PRND: variants seen among roughly 807,000 people sequenced by gnomAD.
PRND encodes prion-like protein doppel.
For missense variants in PRND, 227 were observed against 223.3 expected, an observed-to-expected ratio of 1.02 and a Z score of -0.11; for synonymous variants, 94 against 93.2, an observed-to-expected ratio of 1.01 and a Z score of -0.05.
At chr20:4,722,817 G>A (rs1235228482) in intron 1 of PRND, among the ~76,000 whole-genome samples, 1 of 152,164 alleles carries the variant, frequency 6.6e-6, no homozygotes, top group Non-Finnish European at 1.5e-5. Context: ...AATCCACACA[G>A]GCAAAGACCC....
chr20:4,723,938 ATGTGTG>A (rs78289429), intron 1 of PRND, among the ~76,000 whole-genome samples: 3,709 of 146,154 alleles, frequency 0.025, 60 homozygotes, highest in African/African-American at 0.031. Flanking sequence ...TCTCTAAAAT[ATGTGTG>A]TGTGTGTGTG....
In PRND at chr20:4,726,003, G is replaced by A. The variant is rs919395734; in HGVS notation, c.*921G>A. ...AGCCTTCCGAGTAGCTGGGATTACA[G>A]GTGTGTGCCATCATGCCTGACTAAT... is the stretch of plus-strand genomic sequence containing the variant. On this transcript the variant is annotated 3_prime_UTR_variant, in exon 2 of 2. Coordinates refer to ENST00000305817, the MANE Select transcript of PRND (RefSeq NM_012409.4). The A allele has an allele frequency of 9.0e-5, 6 of 66,780 alleles. No homozygotes were observed. The highest frequency in any genetic ancestry group is 6.0e-4 in the East Asian group (1 of 1,664). The allele number at this position is 66,780 out of a possible 1,614,324, so 4.1% of individuals were successfully genotyped here.
rs1430225313 is a variant in PRND, at chr20:4,726,719, TCAGA to T, written c.*1640_*1643del. On this transcript the variant is annotated 3_prime_UTR_variant, in exon 2 of 2. Transcript: ENST00000305817. Reference sequence around the variant, plus strand: ...TTGTAAGGGGGGAACATGCATTTTATCAGACAATTTATCCAAAGCATTGCAGAAC... The same window carrying T: ...TTGTAAGGGGGGAACATGCATTTTATCAATTTATCCAAAGCATTGCAGAAC... 4.8e-5 allele frequency: 8 copies of T among 167,210 alleles called. No homozygotes were observed. 10.4% of individuals were successfully genotyped at this position (167,210 alleles called of 1,614,324 possible).
rs1393737277 is a variant in PRND at position 4,727,119 on chromosome 20, CT to C, written c.*2039del. On this transcript the variant is annotated 3_prime_UTR_variant, in exon 2 of 2. Coordinates refer to ENST00000305817, the MANE Select transcript of PRND (RefSeq NM_012409.4). ...CTCAGAGGCTGACACTGACATTTCACTTCCTCGCTCTCCTAAGTTTAATTAC... is the reference window on the plus strand; with the variant it reads ...CTCAGAGGCTGACACTGACATTTCACTCCTCGCTCTCCTAAGTTTAATTAC... 1 of 167,136 alleles carries C rather than the reference CT, an allele frequency of 6.0e-6. No individual in the cohort carries two copies. Among genetic ancestry groups the C allele is most frequent in the African/African-American group, 2.4e-5 (1 of 41,464 alleles). The allele number at this position is 167,136 out of a possible 1,614,324, so 10.4% of individuals were successfully genotyped here.
In PRND at chr20:4,725,360, C is replaced by T. The variant is rs768792564; in HGVS notation, c.*278C>T. 17 of 424,434 alleles carry T rather than the reference C, an allele frequency of 4.0e-5. No individual in the cohort carries two copies. Among genetic ancestry groups the T allele is most frequent in the Non-Finnish European group, 7.1e-5 (16 of 223,996 alleles). 26.3% of individuals were successfully genotyped at this position (424,434 alleles called of 1,614,324 possible). ...CTTGATGAGAAGAACACATCAGGCA[C>T]TGCGCCACCTGCTTCACAGTACTTC... On this transcript the variant is annotated 3_prime_UTR_variant, in exon 2 of 2. Coordinates refer to ENST00000305817, the MANE Select transcript of PRND (RefSeq NM_012409.4).
chr20:4,722,528 T>C (rs1923133043), intron 1 of PRND, among the ~76,000 whole-genome samples: 1 of 151,818 alleles, frequency 6.6e-6, no homozygotes, highest in Non-Finnish European at 1.5e-5. Flanking sequence ...CTTTGCAGGC[T>C]TCTAGAGATG....
In PRND at chr20:4,727,125, C is replaced by T. The variant is rs1191530365; in HGVS notation, c.*2043C>T. 5 of 167,094 alleles carry T rather than the reference C, an allele frequency of 3.0e-5. No individual in the cohort carries two copies. Among genetic ancestry groups the T allele is most frequent in the East Asian group, 1.9e-4 (1 of 5,208 alleles). The allele number at this position is 167,094 out of a possible 1,614,324, so 10.4% of individuals were successfully genotyped here. On this transcript the variant is annotated 3_prime_UTR_variant, in exon 2 of 2. Transcript: ENST00000305817. Reference sequence around the variant, plus strand: ...GGCTGACACTGACATTTCACTTCCTCGCTCTCCTAAGTTTAATTACAACAG... The same window carrying T: ...GGCTGACACTGACATTTCACTTCCTTGCTCTCCTAAGTTTAATTACAACAG...
At chr20:4,722,446 T>C (rs1018774534) in intron 1 of PRND, among the ~76,000 whole-genome samples, 1 of 151,208 alleles carries the variant, frequency 6.6e-6, no homozygotes, top group Non-Finnish European at 1.5e-5. Flanking sequence ...GGTGAGGGGG[T>C]CCAGATGCTC....
At chr20:4,723,048 C>T (rs953956604) in intron 1 of PRND, among the ~76,000 whole-genome samples, 12 of 152,270 alleles carry the variant, frequency 7.9e-5, no homozygotes, top group African/African-American at 1.9e-4. Flanking sequence ...TCGTTTTCTC[C>T]GAAATTCCTC....
At chr20:4,722,275 T>G (rs1461320187) in intron 1 of PRND, among the ~76,000 whole-genome samples, 1 of 152,092 alleles carries the variant, frequency 6.6e-6, no homozygotes, top group Non-Finnish European at 1.5e-5. Flanking sequence ...TCACCTGAAA[T>G]GATCTATTAT....
At position 4,728,244 on chromosome 20, in the gene PRND, T is replaced by C. The variant is rs1278885072; in HGVS notation, c.*3162T>C. The C allele has an allele frequency of 6.0e-6, 1 of 167,054 alleles. No individual in the cohort carries two copies. The highest frequency in any genetic ancestry group is 1.5e-5 in the Non-Finnish European group (1 of 68,132). The allele number at this position is 167,054 out of a possible 1,614,324, so 10.3% of individuals were successfully genotyped here. On this transcript the variant is annotated 3_prime_UTR_variant, in exon 2 of 2. Transcript: ENST00000305817. The stretch of plus-strand genomic sequence containing the variant: ...AAAAATACTATGTATGTAAAATATT[T>C]ATTCATCTGCAATTTGGCTTCCCTA...
At chr20:4,722,248 TA>T (rs1263773262) in intron 1 of PRND, among the ~76,000 whole-genome samples, 1 of 152,146 alleles carries the variant, frequency 6.6e-6, no homozygotes, top group African/African-American at 2.4e-5. Flanking sequence ...GCTGTGCTTT[TA>T]TTTTTTTTAT....
Position 4,724,765 on chromosome 20 carries a change from G to A in PRND, c.214G>A (p.Ala72Thr), listed in dbSNP as rs768030230. Residue 72 changes from alanine (A) to threonine (T), a missense_variant, in exon 2 of 2, where the codon GCC becomes ACC. By Grantham distance (58) the Ala-to-Thr change is moderately conservative. Transcript: ENST00000305817. This position sits in a 1 kb window ranked among gnomAD's most constrained non-coding sequence, Gnocchi z 4.8. Reference sequence around the variant, plus strand: ...CCGCAAGCTCGACATTGACTTCGGAGCCGAGGGCAACAGGTACTACGAGGC... The same window carrying A: ...CCGCAAGCTCGACATTGACTTCGGAACCGAGGGCAACAGGTACTACGAGGC... ...QGRKLDIDFG[A>T]EGNRYYEANY... 12 of 1,614,248 alleles carry A rather than the reference G, an allele frequency of 7.4e-6. No individual in the cohort carries two copies. The South Asian group carries it at 1.2e-4, about 16-fold the overall frequency.
intron 1 of PRND, among the ~76,000 whole-genome samples, chr20:4,722,708 C>G (rs1463574734): frequency 1.3e-5 from 2 of 152,098 alleles, no homozygotes; most frequent in East Asian, 3.9e-4. Flanking sequence ...AGCTCCCTGT[C>G]AGCCTCCTCC....
rs1362217308 is a variant in PRND, at chr20:4,725,317, CT to C, written c.*236del. Reference sequence around the variant, plus strand: ...AGCCCCTAGCAGAGCGTCTGGCACACTAGATTAGTAGTAAATGCTTGATGAG... The same window carrying C: ...AGCCCCTAGCAGAGCGTCTGGCACACAGATTAGTAGTAAATGCTTGATGAG... On this transcript the variant is annotated 3_prime_UTR_variant, in exon 2 of 2. Coordinates refer to ENST00000305817, the MANE Select transcript of PRND (RefSeq NM_012409.4). 2 of 562,214 alleles carry C rather than the reference CT, an allele frequency of 3.6e-6. No individual in the cohort carries two copies. The highest frequency in any genetic ancestry group is 3.9e-5 in the African/African-American group (2 of 51,456). The allele number at this position is 562,214 out of a possible 1,614,324, so 34.8% of individuals were successfully genotyped here. A position where few individuals can be genotyped will look rare whatever the true frequency, so the allele number is the denominator to read the frequency against.
chr20:4,724,889 A>G lies in PRND; in HGVS notation c.338A>G (p.Gln113Arg). ...GTCACCGGCTGCATCAATGCCACCC[A>G]GGCGGCGAACCAGGGGGAGTTCCAG... ...AFVTGCINAT[Q>R]AANQGEFQKP... The change falls in exon 2 of 2, where the codon CAG becomes CGG. Residue 113 changes from glutamine (Q) to arginine (R), a missense_variant. Gln to Arg is a conservative substitution (Grantham distance 43, BLOSUM62 1). Coordinates refer to ENST00000305817, the MANE Select transcript of PRND (RefSeq NM_012409.4). This position sits in a 1 kb window ranked among gnomAD's most constrained non-coding sequence, Gnocchi z 4.8. 6.2e-7 allele frequency: 1 copy of G among 1,614,226 alleles called. No individual in the cohort carries two copies. Among genetic ancestry groups the G allele is most frequent in the Non-Finnish European group, 8.5e-7 (1 of 1,180,040 alleles).
At chr20:4,722,289 A>G (rs1164483956) in intron 1 of PRND, among the ~76,000 whole-genome samples, 3 of 152,006 alleles carry the variant, frequency 2.0e-5, no homozygotes, top group African/African-American at 7.3e-5. Context: ...CTATTATGCC[A>G]TTAATCTTAT....
Position 4,724,105 on chromosome 20 carries a change from T to C in PRND, c.-11-436T>C, listed in dbSNP as rs959523182. Among the ~76,000 whole-genome samples, 18 of 148,386 alleles carry C rather than the reference T, an allele frequency of 1.2e-4. No individual in the cohort carries two copies. The highest frequency in any genetic ancestry group is 4.2e-4 in the African/African-American group (17 of 40,390). On this transcript the variant is annotated intron_variant, in intron 1 of 1. Coordinates refer to ENST00000305817, the MANE Select transcript of PRND (RefSeq NM_012409.4). This position sits in a 1 kb window ranked among gnomAD's most constrained non-coding sequence, Gnocchi z 4.8. ...ATATATGTGTATATATATACGTGTATACACACACACACACACACACACATA... is the reference window on the plus strand; with the variant it reads ...ATATATGTGTATATATATACGTGTACACACACACACACACACACACACATA...
At position 4,725,776 on chromosome 20, in the gene PRND, C is replaced by G. The variant is rs868699875; in HGVS notation, c.*694C>G. On this transcript the variant is annotated 3_prime_UTR_variant, in exon 2 of 2. Transcript: ENST00000305817. ...GCTAGACAAAGGCCCAGAAATCATA[C>G]TGTAAGGAAATGTTATTGGAAGCTG... 1 of 166,748 alleles carries G rather than the reference C, an allele frequency of 6.0e-6. No homozygotes were observed. Among genetic ancestry groups the G allele is most frequent in the African/African-American group, 2.4e-5 (1 of 41,350 alleles). The allele number at this position is 166,748 out of a possible 1,614,324, so 10.3% of individuals were successfully genotyped here.
Sources: allele counts gnomAD v4.1 joint callset (sites outside exome capture counted in the v4.1 genomes callset), GRCh38; gene constraint gnomAD v4.1.1; non-coding constraint Gnocchi (gnomAD v3.1); transcripts MANE v1.5; gene names NCBI Gene and HGNC (gene_info 2026-07-23, HGNC 2026-07-21).